PRKN: variants seen among roughly 807,000 people sequenced by gnomAD.
PRKN encodes the protein parkin RBR E3 ubiquitin protein ligase.
PRKN carries 56 observed loss-of-function variants against 59.5 expected under a neutral mutation model. The observed-to-expected ratio is 0.94, with a 90% confidence interval of 0.76 to 1.18. The LOEUF (loss-of-function observed/expected upper bound fraction) is 1.18, where lower values mean the gene tolerates loss of function less well. Ranked by LOEUF, PRKN falls within the 50% of genes most tolerant of loss-of-function variation. PRKN has a pLI of 0.00. For synonymous variants in PRKN, 250 were observed against 222.1 expected, an observed-to-expected ratio of 1.13 and a Z score of -1.12; for missense variants, 657 against 596.4, an observed-to-expected ratio of 1.10 and a Z score of -1.06.
chr6:161,831,294 G>T (rs1013359983), intron 6 of PRKN, among the ~76,000 whole-genome samples: 1 of 152,198 alleles, frequency 6.6e-6, no homozygotes, highest in Non-Finnish European at 1.5e-5. Context: ...TCCCAAGAAT[G>T]ATGTTGATTG....
chr6:161,785,258 T>C (rs1790366361), intron 7 of PRKN, among the ~76,000 whole-genome samples: 1 of 152,220 alleles, frequency 6.6e-6, no homozygotes, highest in Non-Finnish European at 1.5e-5. Context: ...TTCACTTCCA[T>C]TAAAATGTAT....
intron 6 of PRKN, among the ~76,000 whole-genome samples, chr6:161,808,301 T>C (rs907833560): frequency 6.6e-6 from 1 of 152,160 alleles, no homozygotes; most frequent in South Asian, 2.1e-4. Flanking sequence ...GCTGACAAAA[T>C]TGGAAAACAG....
At position 161,837,079 on chromosome 6, in the gene PRKN, T is replaced by A. The variant is rs144158166; in HGVS notation, c.735-51171A>T. ...TGGGCACTAAATAAAAGAGGCAGCA[T>A]GGTGCTGTTAATTTTTCAGCATAGG... On this transcript the variant is annotated intron_variant, in intron 6 of 11. Coordinates refer to ENST00000366898, the MANE Select transcript of PRKN (RefSeq NM_004562.3). Among the ~76,000 whole-genome samples, 585 of 152,238 alleles carry A rather than the reference T, an allele frequency of 3.8e-3. 3 individuals carry two copies. Among genetic ancestry groups the A allele is most frequent in the Non-Finnish European group, 4.5e-3 (309 of 68,014 alleles).
At chr6:161,517,492 G>A (rs556049725) in intron 9 of PRKN, among the ~76,000 whole-genome samples, 1 of 152,002 alleles carries the variant, frequency 6.6e-6, no homozygotes, top group Admixed American at 6.6e-5. Flanking sequence ...TGTAATCCCA[G>A]CACTTTGGGA....
At chr6:162,047,842 C>G (rs1273760820) in intron 5 of PRKN, among the ~76,000 whole-genome samples, 1 of 152,082 alleles carries the variant, frequency 6.6e-6, no homozygotes, top group East Asian at 1.9e-4. Flanking sequence ...AGGTGCAGAC[C>G]ATGAATATTA....
rs907778958 is a variant in PRKN at position 161,475,214 on chromosome 6, T to C, written c.1083+73640A>G. On this transcript the variant is annotated intron_variant, in intron 9 of 11. Coordinates refer to ENST00000366898, the MANE Select transcript of PRKN (RefSeq NM_004562.3). This position sits in a 1 kb window ranked among gnomAD's most constrained non-coding sequence, Gnocchi z 5.3. ...CACTATTACCTATACTTATAGTAGA[T>C]TGCATGTGATCGCTGCTGTCCTATC... is the stretch of plus-strand genomic sequence containing the variant. Among the ~76,000 whole-genome samples, 4 of 152,298 alleles carry C rather than the reference T, an allele frequency of 2.6e-5. No individual in the cohort carries two copies. The highest frequency in any genetic ancestry group is 7.2e-5 in the African/African-American group (3 of 41,570).
chr6:161,510,341 G>A (rs1284749724), intron 9 of PRKN, among the ~76,000 whole-genome samples: 1 of 151,106 alleles, frequency 6.6e-6, no homozygotes. Flanking sequence ...GTGAGGCATC[G>A]TGAAGTGTGA....
intron 2 of PRKN, among the ~76,000 whole-genome samples, chr6:162,426,427 G>A (rs1031143958): frequency 6.6e-6 from 1 of 152,200 alleles, no homozygotes; most frequent in Non-Finnish European, 1.5e-5. Context: ...ATAAAGTCCA[G>A]TTGTTAAAGA....
intron 1 of PRKN, among the ~76,000 whole-genome samples, chr6:162,718,967 C>G (rs370518664): frequency 6.6e-6 from 1 of 151,964 alleles, no homozygotes; most frequent in Admixed American, 6.6e-5. Flanking sequence ...CACACACACA[C>G]GAGAAAGGGA....
At chr6:162,110,691 T>A (rs992606266) in intron 4 of PRKN, among the ~76,000 whole-genome samples, 1 of 152,140 alleles carries the variant, frequency 6.6e-6, no homozygotes, top group Non-Finnish European at 1.5e-5. Flanking sequence ...AAAGGCAACC[T>A]TGAAACAGGG....
At chr6:162,347,435 T>C (rs1342934200) in intron 2 of PRKN, among the ~76,000 whole-genome samples, 1 of 152,006 alleles carries the variant, frequency 6.6e-6, no homozygotes, top group Non-Finnish European at 1.5e-5. Flanking sequence ...GTTTTCTTAA[T>C]TTTCAATATG....
intron 6 of PRKN, among the ~76,000 whole-genome samples, chr6:161,904,925 G>T (rs112426128): frequency 6.6e-6 from 1 of 152,090 alleles, no homozygotes. Context: ...GGTGTGGATG[G>T]CTCTGCTGCT....
At chr6:162,247,523 T>A (rs554032398) in intron 3 of PRKN, among the ~76,000 whole-genome samples, 1 of 152,024 alleles carries the variant, frequency 6.6e-6, no homozygotes, top group Non-Finnish European at 1.5e-5. Flanking sequence ...GATTGGCTTA[T>A]TTGTGAGATA....
rs188646324 is a variant in PRKN at position 161,393,324 on chromosome 6, G to C, written c.1084-6447C>G. On this transcript the variant is annotated intron_variant, in intron 9 of 11. Coordinates refer to ENST00000366898, the MANE Select transcript of PRKN (RefSeq NM_004562.3). This position sits in a 1 kb window ranked among gnomAD's most constrained non-coding sequence, Gnocchi z 4.7. ...TAATAATGACTGTTATGTGAATCTC[G>C]GGTAAAACTGACACCTCCCCAGAAA... Among the ~76,000 whole-genome samples the C allele has an allele frequency of 1.5e-3, 230 of 152,112 alleles. 4 individuals are homozygous for C. The highest frequency in any genetic ancestry group is 5.3e-3 in the African/African-American group (221 of 41,452).
At chr6:161,902,564 A>ATCTATTTTTTTTTTTTTTTTTTT (rs1242030157) in intron 6 of PRKN, among the ~76,000 whole-genome samples, 6 of 112,048 alleles carry the variant, frequency 5.4e-5, no homozygotes, top group Admixed American at 1.0e-4. Flanking sequence ...TTATTTATTT[A>ATCTATTTTTTTTTTTTTTTTTTT]TTTTTTTTTT....
At chr6:162,476,657 G>A (rs1367341745) in intron 1 of PRKN, among the ~76,000 whole-genome samples, 3 of 152,082 alleles carry the variant, frequency 2.0e-5, no homozygotes, top group Admixed American at 6.6e-5. Context: ...GTGCAAGCTC[G>A]GTCTTGCCTG....
At chr6:161,956,923 T>C (rs1239379166) in intron 6 of PRKN, among the ~76,000 whole-genome samples, 1 of 152,212 alleles carries the variant, frequency 6.6e-6, no homozygotes, top group Non-Finnish European at 1.5e-5. Context: ...AATTTCAACT[T>C]AGTGTTGTCA....
intron 9 of PRKN, among the ~76,000 whole-genome samples, chr6:161,501,204 C>A (rs1395861859): frequency 6.6e-6 from 1 of 152,158 alleles, no homozygotes; most frequent in Non-Finnish European, 1.5e-5. Flanking sequence ...GCCAGACTGT[C>A]TTCCAAAGAG....
chr6:161,938,029 T>C (rs190357808), intron 6 of PRKN, among the ~76,000 whole-genome samples: 23 of 152,328 alleles, frequency 1.5e-4, no homozygotes, highest in East Asian at 9.6e-4. Flanking sequence ...AGAAAAATAA[T>C]TGGACAACCT....
Sources: allele counts gnomAD v4.1 joint callset (sites outside exome capture counted in the v4.1 genomes callset), GRCh38; gene constraint gnomAD v4.1.1; non-coding constraint Gnocchi (gnomAD v3.1); transcripts MANE v1.5; gene names NCBI Gene and HGNC (gene_info 2026-07-23, HGNC 2026-07-21).